Variants in PAPOLA observed in about 807,000 individuals in gnomAD.
The protein encoded by PAPOLA is poly(A) polymerase alpha.
PAPOLA carries 15 observed loss-of-function variants against 100.6 expected under a neutral mutation model. That is an observed-to-expected ratio of 0.15 (90% CI 0.10 to 0.23). The LOEUF (loss-of-function observed/expected upper bound fraction) is 0.23. Ranked by LOEUF, PAPOLA falls within the 10% of genes least tolerant of loss-of-function variation. The probability of loss-of-function intolerance (pLI) is 1.00; values close to 1 mark genes in which losing one functional copy is unlikely to be tolerated. For synonymous variants in PAPOLA, 293 were observed against 300.0 expected (o/e 0.98, Z 0.24); for missense variants, 533 against 884.2 (o/e 0.60, Z 5.04).
rs539756309 is a variant in PAPOLA, at chr14:96,535,070, A to G, written c.909+507A>G. 6.3e-5 allele frequency: 62 copies of G among 982,394 alleles called. No homozygotes were observed. In the African/African-American group the frequency reaches 1.0e-3, roughly 16 times the overall value. 60.9% of individuals were successfully genotyped at this position (982,394 alleles called of 1,614,324 possible). On this transcript the variant is annotated intron_variant, in intron 10 of 21. Coordinates refer to ENST00000216277, the MANE Select transcript of PAPOLA (RefSeq NM_032632.5). ...GAGATTATAAAAACATGGTTGGGCT[A>G]AAGAAGACCTTCCATTCTGTTTCTT... is the stretch of plus-strand genomic sequence containing the variant.
chr14:96,549,317 C>T (rs993526896), intron 16 of PAPOLA, among the ~76,000 whole-genome samples: 3 of 149,330 alleles, frequency 2.0e-5, no homozygotes, highest in Admixed American at 6.7e-5. Flanking sequence ...GGCACAATTT[C>T]GGCTCACTGC....
intron 1 of PAPOLA, among the ~76,000 whole-genome samples, chr14:96,513,385 T>A (rs1490555774): frequency 1.3e-5 from 2 of 152,222 alleles, no homozygotes; most frequent in Non-Finnish European, 2.9e-5. Flanking sequence ...TTTAGCTTTT[T>A]ATGTAATTTA....
intron 3 of PAPOLA, among the ~76,000 whole-genome samples, chr14:96,524,633 A>T (rs1261323621): frequency 6.6e-6 from 1 of 151,644 alleles, no homozygotes; most frequent in Non-Finnish European, 1.5e-5. Context: ...CAATCCTCCC[A>T]CCTTAGCCAC....
chr14:96,530,025 TG>T (rs1327881621), intron 6 of PAPOLA, among the ~76,000 whole-genome samples: 3 of 152,236 alleles, frequency 2.0e-5, no homozygotes, highest in Non-Finnish European at 4.4e-5. Context: ...TCAGATATAA[TG>T]GAATCTCTTT....
In PAPOLA at chr14:96,566,612, A is replaced by G. The variant is rs1308665561; in HGVS notation, c.*1562A>G. 6.6e-6 allele frequency: 1 copy of G among 152,566 alleles called. No homozygotes were observed. Among genetic ancestry groups the G allele is most frequent in the African/African-American group, 2.4e-5 (1 of 41,450 alleles). 9.5% of individuals were successfully genotyped at this position (152,566 alleles called of 1,614,324 possible). A position where few individuals can be genotyped will look rare whatever the true frequency, so the allele number is the denominator to read the frequency against. On this transcript the variant is annotated 3_prime_UTR_variant, in exon 22 of 22. Transcript: ENST00000216277. ...CTTTTCCCCCTTAGGCTATGCATTAATCGAAGCTTTCTTTTCACCATGACT... is the reference window on the plus strand; with the variant it reads ...CTTTTCCCCCTTAGGCTATGCATTAGTCGAAGCTTTCTTTTCACCATGACT...
intron 1 of PAPOLA, among the ~76,000 whole-genome samples, chr14:96,512,812 T>C (rs1897193628): frequency 6.6e-6 from 1 of 152,232 alleles, no homozygotes; most frequent in African/African-American, 2.4e-5. Context: ...TGAACAACCT[T>C]GATTACCTTT....
At chr14:96,537,379 G>A (rs1396004014) in intron 12 of PAPOLA, 1 of 214,732 alleles carries the variant, frequency 4.7e-6, no homozygotes, top group East Asian at 9.8e-5. Context: ...AAAATCTGTA[G>A]TTAATAATTC....
intron 1 of PAPOLA, among the ~76,000 whole-genome samples, chr14:96,507,380 C>G (rs1211093524): frequency 6.9e-6 from 1 of 144,914 alleles, no homozygotes; most frequent in Non-Finnish European, 1.5e-5. Flanking sequence ...CTCCGTCTTC[C>G]GGGTTCACGC....
At chr14:96,562,989 A>G in intron 21 of PAPOLA, 96 bp downstream of exon 21, 1 of 719,608 alleles carries the variant, frequency 1.4e-6, no homozygotes, top group Non-Finnish European at 2.4e-6. Context: ...GACTATTAAA[A>G]TTAATCTTTC....
chr14:96,527,513 T>C lies in PAPOLA; in HGVS notation c.415T>C (p.Leu139=), dbSNP rs1276784336. 1 of 1,595,900 alleles carries C rather than the reference T, an allele frequency of 6.3e-7. No homozygotes were observed. The highest frequency in any genetic ancestry group is 1.3e-5 in the African/African-American group (1 of 74,574). The change falls in exon 5 of 22, where the codon TTA becomes CTA. Residue 139 remains leucine (L), a synonymous_variant. Transcript: ENST00000216277. ...CACCTCATTCTATGATAAGTTGAAA[T>C]TACAGGAAGAAGTAAAAGATTTAAG... ...FFTSFYDKLK[L]QEEVKDLRAV...
chr14:96,561,801 T>A (rs1455998199), intron 20 of PAPOLA, among the ~76,000 whole-genome samples: 1 of 152,056 alleles, frequency 6.6e-6, no homozygotes, highest in African/African-American at 2.4e-5. Context: ...TTACCTTTTT[T>A]AATTTCATAG....
At position 96,532,404 on chromosome 14, in the gene PAPOLA, C is replaced by T; in HGVS notation, c.681C>T (p.Ile227=). 1 of 1,612,834 alleles carries T rather than the reference C, an allele frequency of 6.2e-7. No homozygotes were observed. The highest frequency in any genetic ancestry group is 8.5e-7 in the Non-Finnish European group (1 of 1,179,688). Residue 227 remains isoleucine (I), a synonymous_variant, in exon 8 of 22, where the codon ATC becomes ATT. Coordinates refer to ENST00000216277, the MANE Select transcript of PAPOLA (RefSeq NM_032632.5). ...IDNFRLTLRA[I]KLWAKRHNIY... is the part of the protein sequence containing the mutation. ...ACTTCAGGTTAACTCTGAGAGCTAT[C>T]AAACTATGGGCCAAACGTGAGTTCA... is the stretch of plus-strand genomic sequence containing the variant.
intron 12 of PAPOLA, 148 bp downstream of exon 12, chr14:96,537,208 A>G (rs1187417737): frequency 5.0e-6 from 3 of 601,940 alleles, no homozygotes; most frequent in East Asian, 2.8e-5. Context: ...TGAACTCCTT[A>G]GTTTTTTTTG....
At chr14:96,506,388 A>G (rs1027800385) in intron 1 of PAPOLA, among the ~76,000 whole-genome samples, 3 of 152,110 alleles carry the variant, frequency 2.0e-5, no homozygotes, top group African/African-American at 2.4e-5. Context: ...TTGTATGTTG[A>G]TTTGTGAGCT....
chr14:96,515,104 G>A (rs113355141), intron 1 of PAPOLA, among the ~76,000 whole-genome samples: 2,950 of 152,242 alleles, frequency 0.019, 44 homozygotes, highest in Middle Eastern at 0.031. Flanking sequence ...GACCAAGATT[G>A]CCAAGAATCA....
At position 96,544,188 on chromosome 14, in the gene PAPOLA, T is replaced by TA; in HGVS notation, c.1336dup (p.Thr446AsnfsTer5). ...CGATGTGGGTGATTGGGTTAGTGTT[T>TA]AAAAAAACAGAAAACTCTGAAAACC... is the stretch of plus-strand genomic sequence containing the variant. On this transcript the variant is annotated frameshift_variant, in exon 15 of 22. Transcript: ENST00000216277. LOFTEE classifies it high-confidence loss of function. 6.2e-7 allele frequency: 1 copy of TA among 1,609,762 alleles called. No homozygotes were observed. The highest frequency in any genetic ancestry group is 8.5e-7 in the Non-Finnish European group (1 of 1,176,250).
At position 96,566,234 on chromosome 14, in the gene PAPOLA, T is replaced by G. The variant is rs749786988; in HGVS notation, c.*1184T>G. ...CCAAAATTTGTCAGTACATTTTACG[T>G]GTAGAAGCATTTTAAAAATCATTTC... On this transcript the variant is annotated 3_prime_UTR_variant, in exon 22 of 22. Coordinates refer to ENST00000216277, the MANE Select transcript of PAPOLA (RefSeq NM_032632.5). 6 of 258,586 alleles carry G rather than the reference T, an allele frequency of 2.3e-5. No homozygotes were observed. Among genetic ancestry groups the G allele is most frequent in the Non-Finnish European group, 2.9e-5 (4 of 137,516 alleles). 16.0% of individuals were successfully genotyped at this position (258,586 alleles called of 1,614,324 possible).
chr14:96,561,940 G>A (rs1022353809), intron 20 of PAPOLA, among the ~76,000 whole-genome samples: 5 of 151,356 alleles, frequency 3.3e-5, no homozygotes, highest in Admixed American at 2.0e-4. Flanking sequence ...TGTCGCCCAG[G>A]CTGGAGTGCA....
At chr14:96,554,388 C>G (rs1901113937) in intron 17 of PAPOLA, among the ~76,000 whole-genome samples, 1 of 152,246 alleles carries the variant, frequency 6.6e-6, no homozygotes, top group Non-Finnish European at 1.5e-5. Flanking sequence ...TTTATCCCCT[C>G]TTGATATTGT....
Sources: gnomAD v4.1 joint callset for allele counts (sites outside exome capture counted in the v4.1 genomes callset) on GRCh38, gnomAD v4.1.1 for gene constraint, MANE v1.5 for transcripts, NCBI Gene and HGNC (gene_info 2026-07-23, HGNC 2026-07-21) for gene names.